CSTPP1: variants seen among roughly 807,000 people sequenced by gnomAD.
The protein encoded by CSTPP1 is centriolar satellite-associated tubulin polyglutamylase complex regulator 1, also known as UPF0705 protein C11orf49.
chr11:47,039,587 C>G, the CSTPP1 span, among the ~76,000 whole-genome samples: 2 of 127,422 alleles, frequency 1.6e-5, no homozygotes, highest in Non-Finnish European at 3.7e-5. Flanking sequence ...GTCTGTAATC[C>G]CAGCACTTCG....
At chr11:46,936,743 G>C in the CSTPP1 span, 4 of 1,598,868 alleles carry the variant, frequency 2.5e-6, no homozygotes, top group Non-Finnish European at 3.4e-6. Context: ...GCAACGGAGA[G>C]AGACGGCAAC....
chr11:47,039,107 C>T, the CSTPP1 span, among the ~76,000 whole-genome samples: 3 of 126,570 alleles, frequency 2.4e-5, no homozygotes, highest in Admixed American at 2.5e-4. Context: ...GGGTGGCGGC[C>T]GGGCAGAGGC....
the CSTPP1 span, among the ~76,000 whole-genome samples, chr11:46,984,052 A>G: frequency 6.6e-6 from 1 of 152,226 alleles, no homozygotes; most frequent in Admixed American, 6.5e-5. Flanking sequence ...GGGGGACAGG[A>G]CAGACAGACA....
At chr11:47,027,697 T>C in the CSTPP1 span, among the ~76,000 whole-genome samples, 1 of 152,206 alleles carries the variant, frequency 6.6e-6, no homozygotes, top group Non-Finnish European at 1.5e-5. Flanking sequence ...GCAGAAATTA[T>C]AAATCCTATC....
the CSTPP1 span, among the ~76,000 whole-genome samples, chr11:46,945,082 T>C: frequency 0.044 from 6,637 of 152,298 alleles, 193 homozygotes; most frequent in Non-Finnish European, 0.065. Context: ...CCAGACACAT[T>C]CTATTTTTTG....
chr11:47,003,019 T>A, the CSTPP1 span, among the ~76,000 whole-genome samples: 6 of 152,126 alleles, frequency 3.9e-5, no homozygotes, highest in Non-Finnish European at 8.8e-5. Context: ...CATCAAAAGT[T>A]AAGAAACTAG....
the CSTPP1 span, among the ~76,000 whole-genome samples, chr11:46,971,574 C>T: frequency 6.6e-6 from 1 of 151,816 alleles, no homozygotes; most frequent in African/African-American, 2.4e-5. Context: ...AAGCAGAAAA[C>T]TGAAAATAAT....
the CSTPP1 span, among the ~76,000 whole-genome samples, chr11:47,058,009 C>G: frequency 2.2e-3 from 338 of 152,254 alleles, 2 homozygotes; most frequent in Middle Eastern, 0.01. Context: ...TTCAGCAATG[C>G]AAAATTCACA....
chr11:46,956,806 C>T, the CSTPP1 span, among the ~76,000 whole-genome samples: 1 of 151,574 alleles, frequency 6.6e-6, no homozygotes, highest in African/African-American at 2.4e-5. Flanking sequence ...ACTCAATTTC[C>T]CTTCTTCCTA....
At chr11:47,012,329 A>G in the CSTPP1 span, among the ~76,000 whole-genome samples, 1 of 152,212 alleles carries the variant, frequency 6.6e-6, no homozygotes, top group Non-Finnish European at 1.5e-5. Context: ...TCAATAGTGT[A>G]GTCAGAGAAG....
chr11:47,026,977 C>A, the CSTPP1 span, among the ~76,000 whole-genome samples: 1 of 152,072 alleles, frequency 6.6e-6, no homozygotes. Context: ...ATTCTCAGTA[C>A]CTTCCTCAGG....
At chr11:47,113,005 G>C in the CSTPP1 span, among the ~76,000 whole-genome samples, 1 of 151,974 alleles carries the variant, frequency 6.6e-6, no homozygotes, top group South Asian at 2.1e-4. Flanking sequence ...CCAACCCCAC[G>C]ACAGGACCCG....
chr11:47,126,993 C>G, the CSTPP1 span, among the ~76,000 whole-genome samples: 1 of 151,694 alleles, frequency 6.6e-6, no homozygotes, highest in African/African-American at 2.4e-5. Context: ...TTGCAGCTAA[C>G]ATTTACTGGG....
At chr11:46,966,331 G>A in the CSTPP1 span, among the ~76,000 whole-genome samples, 2 of 152,276 alleles carry the variant, frequency 1.3e-5, no homozygotes, top group South Asian at 2.1e-4. Flanking sequence ...GTGAGCCACC[G>A]CGCCTGGCCC....
At chr11:46,938,340 ATAT>A in the CSTPP1 span, among the ~76,000 whole-genome samples, 8 of 147,938 alleles carry the variant, frequency 5.4e-5, no homozygotes, top group African/African-American at 7.4e-5. Flanking sequence ...AATATATTAT[ATAT>A]TATTATTATT....
chr11:47,113,186 C>G, the CSTPP1 span, among the ~76,000 whole-genome samples: 438 of 152,294 alleles, frequency 2.9e-3, 2 homozygotes, highest in African/African-American at 0.01. Flanking sequence ...TTTTTTATGG[C>G]TGCATAGTAT....
the CSTPP1 span, among the ~76,000 whole-genome samples, chr11:46,964,661 G>T: frequency 6.6e-6 from 1 of 151,952 alleles, no homozygotes; most frequent in East Asian, 1.9e-4. Context: ...CAAACTTTTT[G>T]GTTTCAGGAT....
At chr11:47,015,402 A>G in the CSTPP1 span, among the ~76,000 whole-genome samples, 2 of 152,106 alleles carry the variant, frequency 1.3e-5, no homozygotes, top group Non-Finnish European at 2.9e-5. Flanking sequence ...TGAACTCGGG[A>G]GGAGGAGGCT....
the CSTPP1 span, among the ~76,000 whole-genome samples, chr11:46,974,576 A>G: frequency 1.3e-5 from 2 of 149,256 alleles, no homozygotes; most frequent in African/African-American, 4.9e-5. Context: ...CATGGTGACT[A>G]ACACCTGTAA....
Sources: gnomAD v4.1 joint callset for allele counts (sites outside exome capture counted in the v4.1 genomes callset) on GRCh38, gnomAD v4.1.1 for gene constraint, MANE v1.5 for transcripts, NCBI Gene and HGNC (gene_info 2026-07-23, HGNC 2026-07-21) for gene names.